The following FAM193A variants were observed in gnomAD, a reference collection of about 807,000 sequenced individuals.
FAM193A encodes family with sequence similarity 193 member A.
A neutral mutation model predicts 126.5 loss-of-function variants in FAM193A; 22 were observed. That is an observed-to-expected ratio of 0.17 (90% confidence interval 0.12 to 0.25). The LOEUF (loss-of-function observed/expected upper bound fraction) is 0.25. Ranked by LOEUF, FAM193A falls within the 10% of genes least tolerant of loss-of-function variation. The pLI, the probability that FAM193A is intolerant of heterozygous loss-of-function variation, is 1.00. For missense variants in FAM193A, 1,675 were observed against 1,672.8 expected, an observed-to-expected ratio of 1.00 and a Z score of -0.02; for synonymous variants, 761 against 646.8, an observed-to-expected ratio of 1.18 and a Z score of -2.68.
At position 2,693,808 on chromosome 4, in the gene FAM193A, G is replaced by A; in HGVS notation, c.3026G>A (p.Ser1009Asn). The A allele has an allele frequency of 6.2e-7, 1 of 1,614,214 alleles. No individual in the cohort carries two copies. The highest frequency in any genetic ancestry group is 2.2e-5 in the East Asian group (1 of 44,890). Residue 1009 changes from serine to asparagine, a missense_variant, in exon 16 of 21, where the codon AGT (serine) becomes AAT (asparagine). Transcript: ENST00000637812. ...TTPGFVDTRK[S>N]FCPAPLPPAT... ...CCTGGGTTTGTGGACACACGCAAGAGTTTCTGTCCTGCACCCCTACCCCCG... is the reference window on the plus strand; with the variant it reads ...CCTGGGTTTGTGGACACACGCAAGAATTTCTGTCCTGCACCCCTACCCCCG...
At chr4:2,625,719 CTTTTTTTTTTT>C (rs35220520) in intron 3 of FAM193A, among the ~76,000 whole-genome samples, 43 of 79,316 alleles carry the variant, frequency 5.4e-4, no homozygotes, top group Middle Eastern at 7.0e-3. Context: ...TGGAGCTCAT[CTTTTTTTTTTT>C]TTTTTTTTTT....
rs563303038 is a variant in FAM193A, at chr4:2,686,908, C to T, written c.2332-2598C>T. Among the ~76,000 whole-genome samples, 21 of 152,308 alleles carry T rather than the reference C, an allele frequency of 1.4e-4. 1 individual carries two copies. The South Asian group carries it at 4.1e-3, about 30-fold the overall frequency. On this transcript the variant is annotated intron_variant, in intron 13 of 20. Transcript: ENST00000637812. ...CTCAGCAAAGCAGCTCTTAGCTTAT[C>T]GCTGCTTTGTAGAAATGGGTATCTA...
chr4:2,549,052 C>T (rs903409453), intron 1 of FAM193A, among the ~76,000 whole-genome samples: 1 of 129,230 alleles, frequency 7.7e-6, no homozygotes, highest in Non-Finnish European at 1.6e-5. Flanking sequence ...ATTCTTGTGC[C>T]TCAGCCTCCT....
At chr4:2,695,308 T>C (rs1716909520) in intron 17 of FAM193A, among the ~76,000 whole-genome samples, 179 bp downstream of exon 17, 1 of 152,200 alleles carries the variant, frequency 6.6e-6, no homozygotes. Context: ...TTTTTCTTCA[T>C]TTTTTACTTT....
intron 1 of FAM193A, among the ~76,000 whole-genome samples, chr4:2,544,544 A>G (rs1052521476): frequency 2.6e-5 from 4 of 151,752 alleles, no homozygotes; most frequent in Non-Finnish European, 5.9e-5. Flanking sequence ...TCTACTAAAA[A>G]TACAAAAAAA....
At chr4:2,566,586 G>A (rs935812710) in intron 1 of FAM193A, among the ~76,000 whole-genome samples, 1 of 152,044 alleles carries the variant, frequency 6.6e-6, no homozygotes, top group Non-Finnish European at 1.5e-5. Context: ...CTACTCGGGA[G>A]GCTGAGGCAG....
chr4:2,573,224 C>A (rs1049938714), intron 1 of FAM193A, among the ~76,000 whole-genome samples: 2 of 151,958 alleles, frequency 1.3e-5, no homozygotes, highest in African/African-American at 4.8e-5. Context: ...TTTTAAGAAG[C>A]CCATGAGGCC....
At chr4:2,628,875 C>T (rs531016350) in intron 4 of FAM193A, among the ~76,000 whole-genome samples, 3 of 143,092 alleles carry the variant, frequency 2.1e-5, no homozygotes, top group Non-Finnish European at 3.0e-5. Flanking sequence ...TTTTTTGAGA[C>T]GGAGTCTCGC....
At chr4:2,639,966 G>A in intron 6 of FAM193A, 107 bp downstream of exon 6, 1 of 1,102,686 alleles carries the variant, frequency 9.1e-7, no homozygotes, top group Non-Finnish European at 1.3e-6. Flanking sequence ...GTTCTTGCAG[G>A]AAAAATAACA....
intron 2 of FAM193A, among the ~76,000 whole-genome samples, chr4:2,605,579 G>A (rs1741486209): frequency 6.6e-6 from 1 of 152,154 alleles, no homozygotes; most frequent in Non-Finnish European, 1.5e-5. Flanking sequence ...TAAATAGAAG[G>A]AATTGCTGAG....
At chr4:2,660,731 T>G (rs149081122) in intron 10 of FAM193A, among the ~76,000 whole-genome samples, 1 of 152,376 alleles carries the variant, frequency 6.6e-6, no homozygotes, top group African/African-American at 2.4e-5. Flanking sequence ...ACCTTGGCTA[T>G]GCAGCGTTTC....
intron 13 of FAM193A, among the ~76,000 whole-genome samples, chr4:2,681,987 G>GT (rs1346813634): frequency 0.014 from 1,760 of 121,752 alleles, 15 homozygotes; most frequent in East Asian, 0.027. Flanking sequence ...TTTTTTTTTG[G>GT]TTTTTTTTTT....
intron 1 of FAM193A, among the ~76,000 whole-genome samples, chr4:2,566,942 CTTT>C (rs71644339): frequency 5.0e-5 from 7 of 138,900 alleles, no homozygotes; most frequent in Admixed American, 7.2e-5. Flanking sequence ...ATTTCTTTTT[CTTT>C]TTTTTTTTTT....
intron 1 of FAM193A, among the ~76,000 whole-genome samples, chr4:2,589,205 C>G (rs1332681957): frequency 6.6e-6 from 1 of 152,176 alleles, no homozygotes; most frequent in African/African-American, 2.4e-5. Context: ...AGTAACATTA[C>G]ATGGAGAAAA....
At chr4:2,727,637 G>A (rs1404803237) in intron 20 of FAM193A, among the ~76,000 whole-genome samples, 1 of 152,116 alleles carries the variant, frequency 6.6e-6, no homozygotes, top group Non-Finnish European at 1.5e-5. Context: ...TCTACTAAAG[G>A]AAACTAAAAT....
At position 2,689,804 on chromosome 4, in the gene FAM193A, C is replaced by T. The variant is rs1263184015; in HGVS notation, c.2530+100C>T. 1.8e-5 allele frequency: 14 copies of T among 797,852 alleles called. No individual in the cohort carries two copies. The South Asian group carries it at 2.3e-4, about 13-fold the overall frequency. 49.4% of individuals were successfully genotyped at this position (797,852 alleles called of 1,614,324 possible). On this transcript the variant is annotated intron_variant, in intron 14 of 20. Coordinates refer to ENST00000637812, the MANE Select transcript of FAM193A (RefSeq NM_001366318.2). ...GTGGAAGCCCTGGCGCAGCTGTAGC[C>T]AGCTGCTGCTCCACCACCTCTGTCT...
chr4:2,692,999 T>C (rs1042301089), intron 15 of FAM193A, among the ~76,000 whole-genome samples: 3 of 152,102 alleles, frequency 2.0e-5, no homozygotes, highest in African/African-American at 7.2e-5. Context: ...GCCCAGGGGT[T>C]CAGGACCAGC....
At chr4:2,682,333 GTTTT>G (rs745523050) in intron 13 of FAM193A, among the ~76,000 whole-genome samples, 5 of 151,934 alleles carry the variant, frequency 3.3e-5, no homozygotes, top group African/African-American at 1.2e-4. Context: ...GTGTTTGTTT[GTTTT>G]TTTATTTTTA....
intron 2 of FAM193A, chr4:2,615,212 A>G (rs1393661570): frequency 2.6e-5 from 4 of 152,374 alleles, no homozygotes; most frequent in African/African-American, 7.2e-5. Context: ...ACAGCACTGC[A>G]TTTGTACCAG....
Sources: allele counts gnomAD v4.1 joint callset (sites outside exome capture counted in the v4.1 genomes callset), GRCh38; gene constraint gnomAD v4.1.1; transcripts MANE v1.5; gene names NCBI Gene and HGNC (gene_info 2026-07-23, HGNC 2026-07-21).